Variants in RB1CC1 observed in about 807,000 individuals in gnomAD.
RB1CC1 encodes RB1 inducible coiled-coil 1, also known as RB1-inducible coiled-coil protein 1.
RB1CC1 carries 46 observed loss-of-function variants against 177.5 expected under a neutral mutation model. The observed-to-expected ratio is 0.26, with a 90% CI of 0.20 to 0.33. RB1CC1 has a LOEUF of 0.33. Among genes scored for constraint, RB1CC1 ranks in the 10% least tolerant of loss-of-function variants. RB1CC1 has a pLI of 1.00. For missense variants in RB1CC1, 1,703 were observed against 1,816.3 expected, an observed-to-expected ratio of 0.94 and a Z score of 1.13; for synonymous variants, 666 against 613.6, an observed-to-expected ratio of 1.09 and a Z score of -1.26.
At chr8:52,693,377 A>T (rs1855085071) in intron 1 of RB1CC1, among the ~76,000 whole-genome samples, 1 of 152,250 alleles carries the variant, frequency 6.6e-6, no homozygotes, top group Non-Finnish European at 1.5e-5. Flanking sequence ...TATCCATCTG[A>T]CAAAGGTCTA....
At chr8:52,684,400 GA>G (rs544390494) in intron 3 of RB1CC1, among the ~76,000 whole-genome samples, 96 of 151,480 alleles carry the variant, frequency 6.3e-4, no homozygotes, top group African/African-American at 2.3e-3. Flanking sequence ...ACTAATTCTG[GA>G]AAAAAAATCC....
chr8:52,641,768 T>C (rs1849606558), intron 18 of RB1CC1, among the ~76,000 whole-genome samples: 4 of 152,170 alleles, frequency 2.6e-5, no homozygotes, highest in South Asian at 2.1e-4. Flanking sequence ...ATGCAAACTC[T>C]ACTTGCAACG....
At chr8:52,672,169 A>G (rs957931383) in intron 7 of RB1CC1, among the ~76,000 whole-genome samples, 4 of 152,144 alleles carry the variant, frequency 2.6e-5, no homozygotes, top group Non-Finnish European at 4.4e-5. Context: ...TTATTTAGAG[A>G]TAGAGTCTCA....
Position 52,655,968 on chromosome 8 carries a change from T to TAAA in RB1CC1, c.3821+39_3821+40insTTT, listed in dbSNP as rs1445487850. 3.5e-6 allele frequency: 5 copies of TAAA among 1,434,724 alleles called. No individual in the cohort carries two copies. The Admixed American group carries it at 6.2e-5, about 18-fold the overall frequency. 88.9% of individuals were successfully genotyped at this position (1,434,724 alleles called of 1,614,324 possible). ...TGATTACACACAAACGAATCACTGA[T>TAAA]ATTTTAATTTTATAATTACAGACTA... On this transcript the variant is annotated intron_variant, in intron 15 of 23. Transcript: ENST00000025008.
chr8:52,657,338 A>G lies in RB1CC1; in HGVS notation c.2491T>C (p.Cys831Arg), dbSNP rs777002902. The change falls in exon 15 of 24, where the codon TGT becomes CGT. Residue 831 changes from cysteine to arginine, a missense_variant. Physicochemically the swap from Cys to Arg is radical, Grantham distance 180. Transcript: ENST00000025008. The stretch of plus-strand genomic sequence containing the variant: ...CATTTTAATGAATTTGAGAAGTCAC[A>G]CTGTTCTTTTTGTACAAATGTTCTA... ...HFRTFVQKEQ[C>R]DFSNSLKCTA... 3 of 1,613,754 alleles carry G rather than the reference A, an allele frequency of 1.9e-6. No individual in the cohort carries two copies. The highest frequency in any genetic ancestry group is 2.5e-6 in the Non-Finnish European group (3 of 1,179,756).
chr8:52,683,419 T>C, intron 5 of RB1CC1, 130 bp downstream of exon 5: 4 of 822,176 alleles, frequency 4.9e-6, no homozygotes, highest in Non-Finnish European at 6.7e-6. Context: ...CTAGATATAT[T>C]AACCGGAAAA....
At chr8:52,652,488 T>C (rs1398881953) in intron 15 of RB1CC1, among the ~76,000 whole-genome samples, 1 of 150,030 alleles carries the variant, frequency 6.7e-6, no homozygotes, top group Non-Finnish European at 1.5e-5. Context: ...AAGTCTTATG[T>C]ATGCCACCAT....
intron 15 of RB1CC1, among the ~76,000 whole-genome samples, chr8:52,648,954 C>T (rs1850309730): frequency 6.6e-6 from 1 of 152,144 alleles, no homozygotes; most frequent in Non-Finnish European, 1.5e-5. Flanking sequence ...ATACTGATAA[C>T]CCAGATGGCT....
At chr8:52,664,086 C>T (rs1427442165) in intron 8 of RB1CC1, among the ~76,000 whole-genome samples, 1 of 152,220 alleles carries the variant, frequency 6.6e-6, no homozygotes, top group Non-Finnish European at 1.5e-5. Flanking sequence ...AAAACCTTGA[C>T]TCTGTACATC....
At chr8:52,696,234 G>T (rs375067646) in intron 1 of RB1CC1, among the ~76,000 whole-genome samples, 12 of 151,538 alleles carry the variant, frequency 7.9e-5, no homozygotes, top group African/African-American at 2.7e-4. Context: ...CAGAGAGACA[G>T]AGTTTCTCCA....
At chr8:52,708,167 C>A (rs1301720508) in intron 1 of RB1CC1, among the ~76,000 whole-genome samples, 2 of 152,212 alleles carry the variant, frequency 1.3e-5, no homozygotes, top group Admixed American at 1.3e-4. Context: ...ACTTTACATA[C>A]TCCTGCCAGG....
At chr8:52,649,349 T>C (rs765649990) in intron 15 of RB1CC1, among the ~76,000 whole-genome samples, 21 of 152,198 alleles carry the variant, frequency 1.4e-4, no homozygotes, top group Non-Finnish European at 2.9e-4. Flanking sequence ...AAGGCATCTC[T>C]AAAGGCTGAC....
intron 3 of RB1CC1, 45 bp downstream of exon 3, chr8:52,685,354 C>A (rs1318127658): frequency 7.4e-7 from 1 of 1,350,012 alleles, no homozygotes; most frequent in Admixed American, 1.8e-5. Flanking sequence ...TAACTTTCTG[C>A]ATGCAGACAG....
intron 18 of RB1CC1, among the ~76,000 whole-genome samples, chr8:52,636,358 A>G (rs1434425428): frequency 6.6e-6 from 1 of 152,146 alleles, no homozygotes; most frequent in Non-Finnish European, 1.5e-5. Context: ...ACTCTTCTTA[A>G]TATTTGTGAG....
In RB1CC1 at chr8:52,657,864, C is replaced by G. The variant is rs754586902; in HGVS notation, c.1965G>C (p.Arg655Ser). Residue 655 changes from arginine (R) to serine (S), a missense_variant, in exon 15 of 24, where the codon AGG becomes AGC. By Grantham distance (110) the Arg-to-Ser change is moderately radical. Around this residue, in one of 6 missense-constraint regions of RB1CC1, gnomAD observed 1,169 missense variants for 1,184.7 expected, o/e 0.99. Transcript: ENST00000025008. ...TTGTAATTCCTGCTGTACTTTCCAT[C>G]CTTGGTGAAGAAGCAGACTGTGGGG... Reference protein sequence around the residue: ...QTSPQSASSPRMESTAGITTT... With the variant: ...QTSPQSASSPSMESTAGITTT... 1 of 1,613,742 alleles carries G rather than the reference C, an allele frequency of 6.2e-7. No individual in the cohort carries two copies.
intron 1 of RB1CC1, among the ~76,000 whole-genome samples, chr8:52,712,002 C>T (rs1418152039): frequency 2.1e-4 from 32 of 152,252 alleles, no homozygotes; most frequent in Non-Finnish European, 2.9e-5. Flanking sequence ...GAGTTCAAGA[C>T]CAGCCTGGCC....
At chr8:52,638,985 A>G (rs915128424) in intron 18 of RB1CC1, among the ~76,000 whole-genome samples, 3 of 152,266 alleles carry the variant, frequency 2.0e-5, no homozygotes, top group South Asian at 2.1e-4. Context: ...GTTTAAGACT[A>G]TATCTTAACA....
intron 18 of RB1CC1, among the ~76,000 whole-genome samples, chr8:52,639,278 AC>A (rs1408497378): frequency 2.0e-5 from 3 of 152,184 alleles, no homozygotes; most frequent in African/African-American, 7.2e-5. Flanking sequence ...TAAATTAATT[AC>A]AAGTAAGTTA....
rs779755978 is a variant in RB1CC1 at position 52,657,783 on chromosome 8, A to T, written c.2046T>A (p.Pro682=). Reference sequence around the variant, plus strand: ...ATAATTCTTCTAAGGGACAAACTGCAGGACATAAGGGATCCTGAACAGTCA... The same window carrying T: ...ATAATTCTTCTAAGGGACAAACTGCTGGACATAAGGGATCCTGAACAGTCA... ...PPLTVQDPLC[P]AVCPLEELSP... is the part of the protein sequence containing the mutation. The change falls in exon 15 of 24, where the codon CCT becomes CCA. Residue 682 remains proline (P), a synonymous_variant. Coordinates refer to ENST00000025008, the MANE Select transcript of RB1CC1 (RefSeq NM_014781.5). 6.2e-7 allele frequency: 1 copy of T among 1,613,920 alleles called. No homozygotes were observed. The highest frequency in any genetic ancestry group is 1.1e-5 in the South Asian group (1 of 91,066).
Sources: gnomAD v4.1 joint callset for allele counts (sites outside exome capture counted in the v4.1 genomes callset) on GRCh38, gnomAD v4.1.1 for gene constraint, gnomAD v4.1.1 regional missense constraint, MANE v1.5 for transcripts, NCBI Gene and HGNC (gene_info 2026-07-23, HGNC 2026-07-21) for gene names.